Variants in ARAP2 observed in about 807,000 individuals in gnomAD.
ARAP2 encodes the protein ArfGAP with RhoGAP domain, ankyrin repeat and PH domain 2, also known as arf-GAP with Rho-GAP domain, ANK repeat and PH domain-containing protein 2.
ARAP2 carries 148 observed loss-of-function variants against 194.5 expected under a neutral mutation model. The observed-to-expected ratio is 0.76, with a 90% confidence interval of 0.67 to 0.87. The LOEUF (loss-of-function observed/expected upper bound fraction) is 0.87. Ranked by LOEUF, ARAP2 falls within the 40% of genes least tolerant of loss-of-function variation. The probability of loss-of-function intolerance (pLI) is 0.00; values close to 1 mark genes in which losing one functional copy is unlikely to be tolerated. For missense variants in ARAP2, 2,128 were observed against 1,989.7 expected (o/e 1.07, Z -1.32); for synonymous variants, 695 against 683.5 (o/e 1.02, Z -0.26).
chr4:36,006,358 C>T (rs768276084), intron 10 of ARAP2: 16 of 152,126 alleles, frequency 1.1e-4, no homozygotes, highest in Admixed American at 3.3e-4. Flanking sequence ...TATACATTAT[C>T]GCTGTCATAA....
intron 32 of ARAP2, among the ~76,000 whole-genome samples, chr4:36,072,075 A>G (rs1727112300): frequency 6.6e-6 from 1 of 152,094 alleles, no homozygotes; most frequent in Non-Finnish European, 1.5e-5. Flanking sequence ...ATCTAATATT[A>G]TGGCAGATAT....
intron 5 of ARAP2, among the ~76,000 whole-genome samples, chr4:36,044,531 C>T (rs1175295874): frequency 3.3e-5 from 5 of 152,002 alleles, no homozygotes; most frequent in African/African-American, 1.2e-4. Context: ...CTTTACCTCA[C>T]CCCATATATA....
downstream of ARAP2, among the ~76,000 whole-genome samples, chr4:36,061,635 C>A (rs1453200268): frequency 6.6e-6 from 1 of 152,156 alleles, no homozygotes; most frequent in African/African-American, 2.4e-5. Flanking sequence ...GGGAGTGCTG[C>A]TATCTCTTAG....
intron 26 of ARAP2, 130 bp from the exon 27 acceptor site, chr4:36,107,823 GTT>G (rs1405021375): frequency 3.4e-4 from 10 of 29,594 alleles, no homozygotes; most frequent in Non-Finnish European, 1.3e-3. Context: ...CATATCTTAT[GTT>G]ATATTATACA....
At chr4:36,042,397 T>G (rs540484376) in intron 5 of ARAP2, among the ~76,000 whole-genome samples, 1 of 152,196 alleles carries the variant, frequency 6.6e-6, no homozygotes, top group Non-Finnish European at 1.5e-5. Context: ...GGAAAGATCA[T>G]TAAAATTTTA....
intron 9 of ARAP2, among the ~76,000 whole-genome samples, chr4:36,175,634 T>G (rs1737724427): frequency 6.6e-6 from 1 of 152,140 alleles, no homozygotes; most frequent in South Asian, 2.1e-4. Flanking sequence ...TAGTATACAT[T>G]TTAAAGGTGT....
intron 15 of ARAP2, among the ~76,000 whole-genome samples, chr4:36,155,757 G>T (rs1732139825): frequency 6.6e-6 from 1 of 151,556 alleles, no homozygotes; most frequent in Non-Finnish European, 1.5e-5. Context: ...CTGCCTCCCA[G>T]GTTCACGTCA....
chr4:36,193,568 A>T lies in ARAP2; in HGVS notation c.1557+10T>A. 1 of 1,557,542 alleles carries T rather than the reference A, an allele frequency of 6.4e-7. No individual in the cohort carries two copies. The highest frequency in any genetic ancestry group is 8.7e-7 in the Non-Finnish European group (1 of 1,154,316). ...AAAAGCAATTTTTGAAAACTGTAAAATGTATTTACCTTCTCATTATTGTAG... is the reference window on the plus strand; with the variant it reads ...AAAAGCAATTTTTGAAAACTGTAAATTGTATTTACCTTCTCATTATTGTAG... On this transcript the variant is annotated intron_variant, in intron 7 of 32. Transcript: ENST00000303965.
At chr4:36,234,964 C>A (rs1365129775) in intron 1 of ARAP2, among the ~76,000 whole-genome samples, 1 of 152,174 alleles carries the variant, frequency 6.6e-6, no homozygotes, top group Non-Finnish European at 1.5e-5. Flanking sequence ...CTATCCTGAC[C>A]CAATTCCATG....
At chr4:36,020,701 C>A (rs1716777287) in intron 5 of ARAP2, among the ~76,000 whole-genome samples, 1 of 152,148 alleles carries the variant, frequency 6.6e-6, no homozygotes, top group Non-Finnish European at 1.5e-5. Context: ...GAAAGTGAAA[C>A]AGTGGATAAG....
intron 15 of ARAP2, among the ~76,000 whole-genome samples, chr4:36,157,854 A>G (rs1001573230): frequency 6.6e-6 from 1 of 152,112 alleles, no homozygotes. Flanking sequence ...ACTTCAAATC[A>G]CATATATGAG....
chr4:36,151,649 AC>A (rs1471047997), intron 15 of ARAP2, among the ~76,000 whole-genome samples: 19 of 152,194 alleles, frequency 1.2e-4, no homozygotes, highest in Admixed American at 1.2e-3. Flanking sequence ...TTCTGTGGTT[AC>A]TTTAGGGCAT....
chr4:36,037,244 A>T (rs1720078461), intron 5 of ARAP2, among the ~76,000 whole-genome samples: 1 of 152,178 alleles, frequency 6.6e-6, no homozygotes, highest in Non-Finnish European at 1.5e-5. Flanking sequence ...TTGTGGTGTC[A>T]TCATAGAAGC....
intron 19 of ARAP2, among the ~76,000 whole-genome samples, chr4:36,142,156 T>C (rs1238759803): frequency 6.6e-6 from 1 of 151,646 alleles, no homozygotes; most frequent in Non-Finnish European, 1.5e-5. Flanking sequence ...CACAAAGCAA[T>C]TGAAAATTGA....
At chr4:36,139,264 T>C (rs1348805476) in intron 19 of ARAP2, among the ~76,000 whole-genome samples, 2 of 151,652 alleles carry the variant, frequency 1.3e-5, no homozygotes, top group African/African-American at 4.8e-5. Context: ...ATTCCTGCAT[T>C]TGAGAGAATT....
chr4:36,179,046 C>T (rs148006235), intron 8 of ARAP2, among the ~76,000 whole-genome samples: 56 of 152,042 alleles, frequency 3.7e-4, no homozygotes, highest in African/African-American at 1.2e-3. Context: ...TGAACTCACA[C>T]GAAAAAAATG....
intron 19 of ARAP2, among the ~76,000 whole-genome samples, chr4:36,140,533 T>A (rs1190617490): frequency 1.3e-5 from 2 of 151,734 alleles, no homozygotes; most frequent in Middle Eastern, 3.2e-3. Context: ...CAAGCTTATA[T>A]TGTGGGCAAT....
intron 2 of ARAP2, among the ~76,000 whole-genome samples, chr4:36,054,418 C>A (rs1180175561): frequency 3.9e-5 from 6 of 152,152 alleles, no homozygotes; most frequent in Non-Finnish European, 8.8e-5. Context: ...CCTACAAAAT[C>A]TCTGATAAGT....
chr4:36,206,354 C>T (rs985968727), intron 6 of ARAP2, among the ~76,000 whole-genome samples: 3 of 152,194 alleles, frequency 2.0e-5, no homozygotes, highest in Non-Finnish European at 2.9e-5. Context: ...TCTGAACATG[C>T]TTTTCACTGG....
Sources: gnomAD v4.1 joint callset for allele counts (sites outside exome capture counted in the v4.1 genomes callset) on GRCh38, gnomAD v4.1.1 for gene constraint, MANE v1.5 for transcripts, NCBI Gene and HGNC (gene_info 2026-07-23, HGNC 2026-07-21) for gene names.